The following SLC1A2 variants were observed in gnomAD, a reference collection of about 807,000 sequenced individuals.
SLC1A2 encodes solute carrier family 1 member 2.
SLC1A2 carries 15 observed loss-of-function variants against 48.8 expected under a neutral mutation model. The ratio of observed to expected loss-of-function variants is 0.31; its 90% CI spans 0.21 to 0.47. SLC1A2 has a LOEUF of 0.47. Ranked by LOEUF, SLC1A2 falls within the 20% of genes least tolerant of loss-of-function variation. SLC1A2 has a pLI of 0.99. For missense variants in SLC1A2, 502 were observed against 730.5 expected (o/e 0.69, Z 3.61); for synonymous variants, 279 against 272.6 (o/e 1.02, Z -0.23).
intron 1 of SLC1A2, among the ~76,000 whole-genome samples, chr11:35,384,367 C>T (rs1854522992): frequency 6.6e-6 from 1 of 152,148 alleles, no homozygotes; most frequent in African/African-American, 2.4e-5. Context: ...CAGGTTGCTC[C>T]TGGATTGTCT....
intron 1 of SLC1A2, among the ~76,000 whole-genome samples, chr11:35,377,506 A>G (rs1186379914): frequency 1.3e-5 from 2 of 152,198 alleles, no homozygotes; most frequent in East Asian, 3.9e-4. Context: ...TTTTCGTGAG[A>G]TAACTGAGGC....
At chr11:35,320,227 C>T (rs1020268257) in intron 1 of SLC1A2, among the ~76,000 whole-genome samples, 17 of 152,292 alleles carry the variant, frequency 1.1e-4, no homozygotes, top group African/African-American at 4.1e-4. Flanking sequence ...TGCAAACACA[C>T]CTGGTAACAG....
intron 1 of SLC1A2, among the ~76,000 whole-genome samples, chr11:35,322,141 C>T (rs1852093224): frequency 6.6e-6 from 1 of 152,114 alleles, no homozygotes; most frequent in Non-Finnish European, 1.5e-5. Context: ...GCCTTAGCCT[C>T]TCCATTGAAT....
intron 4 of SLC1A2, among the ~76,000 whole-genome samples, chr11:35,309,194 G>A (rs1313340226): frequency 6.6e-6 from 1 of 152,092 alleles, no homozygotes; most frequent in Non-Finnish European, 1.5e-5. Context: ...CTGTCTTAAT[G>A]TTTAAGTCTC....
intron 1 of SLC1A2, among the ~76,000 whole-genome samples, chr11:35,380,019 C>T (rs1341835780): frequency 1.3e-5 from 2 of 152,206 alleles, no homozygotes; most frequent in African/African-American, 4.8e-5. Context: ...AAGCAGACAC[C>T]TGATTGTCCC....
At chr11:35,331,453 G>A (rs1001397553) in intron 1 of SLC1A2, among the ~76,000 whole-genome samples, 2 of 152,214 alleles carry the variant, frequency 1.3e-5, no homozygotes, top group African/African-American at 4.8e-5. Context: ...CTGCCCAACT[G>A]CTTCTCAACT....
At chr11:35,342,137 A>G (rs1852861009) in intron 1 of SLC1A2, among the ~76,000 whole-genome samples, 1 of 152,166 alleles carries the variant, frequency 6.6e-6, no homozygotes, top group African/African-American at 2.4e-5. Context: ...ATTCTTATAT[A>G]TTTTTGTAGG....
At position 35,317,970 on chromosome 11, in the gene SLC1A2, C is replaced by T. The variant is rs141439024; in HGVS notation, c.18-454G>A. ...ACATCAACATTAAAATATCTCCAAG[C>T]TCAAGCCTTCCCCATCCTGACATGT... On this transcript the variant is annotated intron_variant, in intron 1 of 10. Coordinates refer to ENST00000278379, the MANE Select transcript of SLC1A2 (RefSeq NM_004171.4). Among the ~76,000 whole-genome samples, 566 of 152,308 alleles carry T rather than the reference C, an allele frequency of 3.7e-3. 4 individuals are homozygous for T. The highest frequency in any genetic ancestry group is 0.013 in the African/African-American group (549 of 41,560).
chr11:35,419,420 G>T lies in SLC1A2; in HGVS notation c.-454C>A, dbSNP rs1019220956. The T allele has an allele frequency of 3.7e-5, 7 of 191,138 alleles. No individual in the cohort carries two copies. The highest frequency in any genetic ancestry group is 1.9e-4 in the Admixed American group (3 of 16,112). The allele number at this position is 191,138 out of a possible 1,614,324, so 11.8% of individuals were successfully genotyped here. The stretch of plus-strand genomic sequence containing the variant: ...AGCGTGCGTGCGCGTGTGCGGGTGT[G>T]TGCGCGCCTGGGGAGGCGGTGGAGG... On this transcript the variant is annotated 5_prime_UTR_variant, in exon 1 of 11. Coordinates refer to ENST00000278379, the MANE Select transcript of SLC1A2 (RefSeq NM_004171.4). The surrounding 1 kb of genome is among the most constrained non-coding windows in gnomAD (Gnocchi z 5.4).
At chr11:35,402,248 C>G (rs576321835) in intron 1 of SLC1A2, among the ~76,000 whole-genome samples, 1 of 152,294 alleles carries the variant, frequency 6.6e-6, no homozygotes, top group South Asian at 2.1e-4. Flanking sequence ...TTAGAACTTT[C>G]AGTGCCACCC....
intron 1 of SLC1A2, among the ~76,000 whole-genome samples, chr11:35,330,758 CA>C (rs2134982004): frequency 6.6e-6 from 1 of 152,132 alleles, no homozygotes; most frequent in East Asian, 1.9e-4. Context: ...AGGAAAGGGC[CA>C]GGAGCCAAGG....
At chr11:35,383,029 T>C (rs1854481473) in intron 1 of SLC1A2, among the ~76,000 whole-genome samples, 1 of 152,206 alleles carries the variant, frequency 6.6e-6, no homozygotes, top group Non-Finnish European at 1.5e-5. Context: ...TGCAAAGATG[T>C]TCACAACAGT....
rs762961842 is a variant in SLC1A2, at chr11:35,258,465, C to G, written c.*2429G>C. The stretch of plus-strand genomic sequence containing the variant: ...GTGACCACTCCATTGAGAAACATGC[C>G]CATGTATATAGATCCCAAAGCTGGC... On this transcript the variant is annotated 3_prime_UTR_variant, in exon 11 of 11. Transcript: ENST00000278379. The G allele has an allele frequency of 6.6e-6, 1 of 152,568 alleles. No individual in the cohort carries two copies. The allele number at this position is 152,568 out of a possible 1,614,324, so 9.5% of individuals were successfully genotyped here. A position where few individuals can be genotyped will look rare whatever the true frequency, so the allele number is the denominator to read the frequency against.
At chr11:35,319,906 G>A (rs1221955879) in intron 1 of SLC1A2, among the ~76,000 whole-genome samples, 1 of 152,232 alleles carries the variant, frequency 6.6e-6, no homozygotes, top group East Asian at 1.9e-4. Context: ...ACTTGTAAGA[G>A]TTCTTGATGT....
At chr11:35,372,169 TG>T (rs1273535241) in intron 1 of SLC1A2, among the ~76,000 whole-genome samples, 2 of 152,190 alleles carry the variant, frequency 1.3e-5, no homozygotes, top group Non-Finnish European at 2.9e-5. Context: ...GAAGTATGCC[TG>T]GTAAAGAGAA....
chr11:35,310,297 T>C (rs1011133924), intron 4 of SLC1A2, among the ~76,000 whole-genome samples: 1 of 152,178 alleles, frequency 6.6e-6, no homozygotes, highest in African/African-American at 2.4e-5. Context: ...CTTTCCAAAA[T>C]GTTAAGAATG....
Position 35,306,254 on chromosome 11 carries a change from A to G in SLC1A2, c.562-12T>C. The G allele has an allele frequency of 1.2e-6, 2 of 1,606,160 alleles. No homozygotes were observed. Among genetic ancestry groups the G allele is most frequent in the Non-Finnish European group, 1.7e-6 (2 of 1,174,442 alleles). ...GTCACTGTTTGAATCTAACAGAGTG[A>G]GGGAAAAAAGGCATAGAGCTGAGAT... On this transcript the variant is annotated splice_polypyrimidine_tract_variant and intron_variant, in intron 4 of 10. Coordinates refer to ENST00000278379, the MANE Select transcript of SLC1A2 (RefSeq NM_004171.4).
intron 1 of SLC1A2, among the ~76,000 whole-genome samples, chr11:35,404,031 C>CA (rs1229518561): frequency 2.0e-5 from 3 of 146,772 alleles, no homozygotes; most frequent in Non-Finnish European, 4.6e-5. Context: ...TGCCCTTTAC[C>CA]AAAAACACAA....
intron 1 of SLC1A2, among the ~76,000 whole-genome samples, chr11:35,369,262 G>A (rs955978955): frequency 6.6e-6 from 1 of 152,038 alleles, no homozygotes; most frequent in African/African-American, 2.4e-5. Context: ...TAATAAAGAG[G>A]GCCTTTTGTC....
Sources: allele counts gnomAD v4.1 joint callset (sites outside exome capture counted in the v4.1 genomes callset), GRCh38; gene constraint gnomAD v4.1.1; non-coding constraint Gnocchi (gnomAD v3.1); transcripts MANE v1.5; gene names NCBI Gene and HGNC (gene_info 2026-07-23, HGNC 2026-07-21).